The following EIF4G1 variants were observed in gnomAD, a reference collection of about 807,000 sequenced individuals.
EIF4G1 encodes eukaryotic translation initiation factor 4 gamma 1.
EIF4G1 carries 4 observed loss-of-function variants against 187.8 expected under a neutral mutation model. The ratio of observed to expected loss-of-function variants is 0.02; its 90% CI spans 0.01 to 0.05. EIF4G1 has a LOEUF of 0.05. Among genes scored for constraint, EIF4G1 ranks in the 10% least tolerant of loss-of-function variants. The probability of loss-of-function intolerance (pLI) is 1.00; values close to 1 mark genes in which losing one functional copy is unlikely to be tolerated. For missense variants in EIF4G1, 1,647 were observed against 2,081.1 expected (o/e 0.79, Z 4.06); for synonymous variants, 844 against 781.4 (o/e 1.08, Z -1.34).
intron 21 of EIF4G1, among the ~76,000 whole-genome samples, 187 bp from the exon 22 acceptor site, chr3:184,326,340 A>G (rs2108501450): frequency 6.6e-6 from 1 of 152,302 alleles, no homozygotes; most frequent in African/African-American, 2.4e-5. Context: ...TGCCTTTATC[A>G]TCTACAGCTG....
chr3:184,328,795 C>T (rs367609751), intron 27 of EIF4G1, 39 bp downstream of exon 27: 5 of 1,614,010 alleles, frequency 3.1e-6, no homozygotes, highest in Non-Finnish European at 4.2e-6. Flanking sequence ...AGGTAAAGAC[C>T]AGAGGAAAGG....
At chr3:184,319,931 C>G in intron 7 of EIF4G1, 130 bp downstream of exon 7, 1 of 729,312 alleles carries the variant, frequency 1.4e-6, no homozygotes, top group South Asian at 1.6e-5. Context: ...AGAATGGTGT[C>G]TGTGGAGGGC....
In EIF4G1 at chr3:184,323,048, C is replaced by T. The variant is rs1236333711; in HGVS notation, c.1930-35C>T. The T allele has an allele frequency of 1.9e-6, 3 of 1,614,072 alleles. No homozygotes were observed. The African/African-American group carries it at 4.0e-5, about 22-fold the overall frequency. ...CTGAAAGAGTAGTCAACCGCTCTAG[C>T]CTGCTTCTGAGACCTTTTCCTGTCC... On this transcript the variant is annotated intron_variant, in intron 13 of 32. Coordinates refer to ENST00000346169, the MANE Select transcript of EIF4G1 (RefSeq NM_198241.3). The surrounding 1 kb of genome is among the most constrained non-coding windows in gnomAD (Gnocchi z 6.9).
Position 184,321,519 on chromosome 3 carries a change from G to A in EIF4G1, c.935G>A (p.Arg312His), listed in dbSNP as rs754009820. 1.4e-5 allele frequency: 22 copies of A among 1,613,998 alleles called. No individual in the cohort carries two copies. In the Admixed American group the frequency reaches 2.2e-4, roughly 16 times the overall value. Residue 312 changes from arginine (R) to histidine (H), a missense_variant, in exon 10 of 33, where the codon CGC (arginine) becomes CAC (histidine). Transcript: ENST00000346169. The stretch of plus-strand genomic sequence containing the variant: ...TCCCGTGAAACTGGGGAGCCATATC[G>A]CCTCTCTCCAGAACCCACTCCTCTC... ...PISRETGEPY[R>H]LSPEPTPLAE...
In EIF4G1 at chr3:184,327,000, A is replaced by G. The variant is rs776052994; in HGVS notation, c.3428+17A>G. The G allele has an allele frequency of 2.5e-6, 4 of 1,613,896 alleles. No homozygotes were observed. The highest frequency in any genetic ancestry group is 1.3e-5 in the African/African-American group (1 of 74,928). The stretch of plus-strand genomic sequence containing the variant: ...GGTGCAGAGGTGAGGTTTCCTGGAC[A>G]TCTTTGTTATTCACACTGGGGGTAC... On this transcript the variant is annotated intron_variant, in intron 23 of 32. Coordinates refer to ENST00000346169, the MANE Select transcript of EIF4G1 (RefSeq NM_198241.3).
At chr3:184,314,838 G>T (rs1310020865) in intron 1 of EIF4G1, among the ~76,000 whole-genome samples, 164 bp downstream of exon 1, 1 of 149,000 alleles carries the variant, frequency 6.7e-6, no homozygotes, top group South Asian at 2.1e-4. Context: ...CCCGGCCCAC[G>T]TGTGCCTGGC....
intron 1 of EIF4G1, 120 bp from the exon 2 acceptor site, chr3:184,315,369 C>T (rs1359906115): frequency 1.9e-6 from 1 of 522,852 alleles, no homozygotes; most frequent in South Asian, 1.4e-5. Context: ...GACGCCACGG[C>T]CGAAGCAGCT....
At chr3:184,316,748 C>CAAA (rs769365594) in intron 4 of EIF4G1, 2 of 1,596,088 alleles carry the variant, frequency 1.3e-6, no homozygotes, top group Admixed American at 3.4e-5. Flanking sequence ...TATCCCTTTC[C>CAAA]CAACCCTGGA....
At position 184,328,959 on chromosome 3, in the gene EIF4G1, T is replaced by C; in HGVS notation, c.4130T>C (p.Leu1377Pro). 2 of 1,614,200 alleles carry C rather than the reference T, an allele frequency of 1.2e-6. No homozygotes were observed. Among genetic ancestry groups the C allele is most frequent in the Non-Finnish European group, 1.7e-6 (2 of 1,180,036 alleles). The change falls in exon 28 of 33, where the codon CTG becomes CCG. Residue 1377 changes from leucine to proline, a missense_variant. Physicochemically the swap from Leu to Pro is moderately conservative, Grantham distance 98. This residue lies in a region of EIF4G1 where 543 missense variants were observed against 638.0 expected (regional missense o/e 0.85). Transcript: ENST00000346169. ...RPLGKAASLLLEILGLLCKSM... is the reference protein window; with the variant it reads ...RPLGKAASLLPEILGLLCKSM... The stretch of plus-strand genomic sequence containing the variant: ...TTGGGCAAAGCTGCTTCCCTGTTGC[T>C]GGAGATCCTGGGCCTCCTGTGCAAA...
intron 28 of EIF4G1, among the ~76,000 whole-genome samples, chr3:184,329,841 T>C (rs1469789494): frequency 6.6e-6 from 1 of 152,058 alleles, no homozygotes; most frequent in African/African-American, 2.4e-5. Flanking sequence ...GAAAGGTAAG[T>C]TGAATGTGGT....
At chr3:184,324,783 G>T in intron 17 of EIF4G1, 95 bp from the exon 18 acceptor site, 12 of 1,375,542 alleles carry the variant, frequency 8.7e-6, no homozygotes, top group Non-Finnish European at 1.1e-5. Context: ...TCAGGACTGA[G>T]TGCTTATTGC....
At chr3:184,315,242 A>G (rs1577173959) in intron 1 of EIF4G1, 1 of 418,410 alleles carries the variant, frequency 2.4e-6, no homozygotes, top group Non-Finnish European at 4.8e-6. Context: ...TTCCTGGCCT[A>G]CACTCCTGGG....
rs1723959473 is a variant in EIF4G1 at position 184,321,946 on chromosome 3, G to A, written c.1362G>A (p.Glu454=). 1 of 1,614,158 alleles carries A rather than the reference G, an allele frequency of 6.2e-7. No homozygotes were observed. The highest frequency in any genetic ancestry group is 2.2e-5 in the East Asian group (1 of 44,886). ...CTTCAGCTACTTCCCCAGCTCAGGAGGAGGAAATGGAAGAAGAAGAAGAAG... is the reference window on the plus strand; with the variant it reads ...CTTCAGCTACTTCCCCAGCTCAGGAAGAGGAAATGGAAGAAGAAGAAGAAG... ...TAPSATSPAQ[E]EEMEEEEEEE... Residue 454 remains glutamate, a synonymous_variant, in exon 10 of 33, where the codon GAG becomes GAA. Coordinates refer to ENST00000346169, the MANE Select transcript of EIF4G1 (RefSeq NM_198241.3).
rs748184645 is a variant in EIF4G1 at position 184,324,916 on chromosome 3, G to A, written c.2658G>A (p.Glu886=). 1.2e-5 allele frequency: 20 copies of A among 1,614,202 alleles called. No individual in the cohort carries two copies. The East Asian group carries it at 4.2e-4, about 34-fold the overall frequency. Residue 886 remains glutamate, a synonymous_variant, in exon 18 of 33, where the codon GAG becomes GAA. Transcript: ENST00000346169. ...ERGRLKEELE[E]ARDIARRRSL... ...GACGCCTGAAGGAAGAGCTGGAAGA[G>A]GCTCGGGACATAGCCCGGCGGCGCT...
chr3:184,322,145 A>G (rs1409649501), intron 10 of EIF4G1, 42 bp downstream of exon 10: 1 of 1,613,352 alleles, frequency 6.2e-7, no homozygotes, highest in South Asian at 1.1e-5. Flanking sequence ...GGGCTAGGGG[A>G]TATCGTTCCT....
Position 184,321,581 on chromosome 3 carries a change from A to C in EIF4G1, c.997A>C (p.Lys333Gln). 6.2e-7 allele frequency: 1 copy of C among 1,614,140 alleles called. No individual in the cohort carries two copies. The highest frequency in any genetic ancestry group is 2.2e-5 in the East Asian group (1 of 44,886). Reference sequence around the variant, plus strand: ...ACTGGAAGTAGAAGTGACACTTAGCAAACCGGTTCCAGAATCTGAGTTTTC... The same window carrying C: ...ACTGGAAGTAGAAGTGACACTTAGCCAACCGGTTCCAGAATCTGAGTTTTC... ...PILEVEVTLS[K>Q]PVPESEFSSS... is the part of the protein sequence containing the mutation. Residue 333 changes from lysine to glutamine, a missense_variant, in exon 10 of 33, where the codon AAA becomes CAA. This residue lies in a region of EIF4G1 where 522 missense variants were observed against 485.2 expected (regional missense o/e 1.08). Transcript: ENST00000346169.
chr3:184,327,547 G>A, intron 24 of EIF4G1, 39 bp from the exon 25 acceptor site: 1 of 1,613,446 alleles, frequency 6.2e-7, no homozygotes, highest in Non-Finnish European at 8.5e-7. Context: ...TTGCTGGGAA[G>A]ACTGAAAAGT....
chr3:184,316,175 C>T lies in EIF4G1; in HGVS notation c.104C>T (p.Thr35Met). 1 of 1,614,112 alleles carries T rather than the reference C, an allele frequency of 6.2e-7. No individual in the cohort carries two copies. Among genetic ancestry groups the T allele is most frequent in the Middle Eastern group, 1.6e-4 (1 of 6,062 alleles). ...CAGACAGCGCCGGTGGTGTTCAGTA[C>T]GCCACAAGCGACACAAATGAACACG... ...PGQTAPVVFS[T>M]PQATQMNTPS... The change falls in exon 4 of 33, where the codon ACG becomes ATG. Residue 35 changes from threonine (T) to methionine (M), a missense_variant. By Grantham distance (81) the Thr-to-Met change is moderately conservative (BLOSUM62 -1). This residue lies in a region of EIF4G1 where 61 missense variants were observed against 49.5 expected (regional missense o/e 1.23). Transcript: ENST00000346169.
At chr3:184,317,645 T>C in intron 5 of EIF4G1, 72 bp from the exon 6 acceptor site, 4 of 1,539,556 alleles carry the variant, frequency 2.6e-6, no homozygotes, top group Non-Finnish European at 3.6e-6. Flanking sequence ...TTGACCTATG[T>C]TCTTTTTGGA....
Sources: allele counts gnomAD v4.1 joint callset (sites outside exome capture counted in the v4.1 genomes callset), GRCh38; gene constraint gnomAD v4.1.1; regional missense constraint gnomAD v4.1.1; non-coding constraint Gnocchi (gnomAD v3.1); transcripts MANE v1.5; gene names NCBI Gene and HGNC (gene_info 2026-07-23, HGNC 2026-07-21).